PRICKLE1: variants seen among roughly 807,000 people sequenced by gnomAD.
The protein encoded by PRICKLE1 is prickle-like protein 1.
In PRICKLE1, 14 loss-of-function variants were observed where a neutral mutation model predicts 70.2. The ratio of observed to expected loss-of-function variants is 0.20; its 90% CI spans 0.13 to 0.31. PRICKLE1 has a LOEUF of 0.31. Ranked by LOEUF, PRICKLE1 falls within the 10% of genes least tolerant of loss-of-function variation. The probability of loss-of-function intolerance (pLI) is 1.00; values close to 1 mark genes in which losing one functional copy is unlikely to be tolerated. For missense variants in PRICKLE1, 821 were observed against 1,026.2 expected (o/e 0.80, Z 2.73); for synonymous variants, 357 against 379.9 (o/e 0.94, Z 0.70).
Position 42,460,037 on chromosome 12 carries a change from G to T in PRICKLE1, c.2268C>A (p.Gly756=). The change falls in exon 8 of 8, where the codon GGC becomes GGA. Residue 756 remains glycine (G), a synonymous_variant. Coordinates refer to ENST00000345127, the MANE Select transcript of PRICKLE1 (RefSeq NM_153026.3). ...AAGAACACCAGGAATCATCATCCTC[G>T]CCGTAGAGTCCCAGAAACCGATTCA... ...PGMNRFLGLY[G]EDDDSWCSSS... 6.2e-7 allele frequency: 1 copy of T among 1,614,046 alleles called. No homozygotes were observed. Among genetic ancestry groups the T allele is most frequent in the South Asian group, 1.1e-5 (1 of 91,070 alleles).
rs754979370 is a variant in PRICKLE1 at position 42,464,209 on chromosome 12, C to G, written c.1639+186G>C. Among the ~76,000 whole-genome samples the G allele has an allele frequency of 6.6e-6, 1 of 151,950 alleles. No homozygotes were observed. The highest frequency in any genetic ancestry group is 2.4e-5 in the African/African-American group (1 of 41,370). Reference sequence around the variant, plus strand: ...CTAATTTTTGTATTTTTAGTAGAGCCGCGGTTTCGCCATGTTGCCTGGGCT... The same window carrying G: ...CTAATTTTTGTATTTTTAGTAGAGCGGCGGTTTCGCCATGTTGCCTGGGCT... On this transcript the variant is annotated intron_variant, in intron 7 of 7. Transcript: ENST00000345127. This position sits in a 1 kb window ranked among gnomAD's most constrained non-coding sequence, Gnocchi z 4.2.
rs752821879 is a variant in PRICKLE1 at position 42,472,483 on chromosome 12, G to A, written c.34C>T (p.Leu12=). 11 of 1,614,194 alleles carry A rather than the reference G, an allele frequency of 6.8e-6. No homozygotes were observed. The highest frequency in any genetic ancestry group is 4.4e-5 in the South Asian group (4 of 91,086). Residue 12 remains leucine, a synonymous_variant, in exon 2 of 8, where the codon CTG becomes TTG. Coordinates refer to ENST00000345127, the MANE Select transcript of PRICKLE1 (RefSeq NM_153026.3). ...PLEMEPKMSK[L]AFGCQRSSTS... ...GAACTTCTCTGACAGCCAAAGGCCA[G>A]TTTGCTCATCTTGGGCTCCATCTCC...
intron 1 of PRICKLE1, among the ~76,000 whole-genome samples, chr12:42,547,779 T>C (rs1940239126): frequency 6.6e-6 from 1 of 152,238 alleles, no homozygotes; most frequent in African/African-American, 2.4e-5. Context: ...AATGTTAATT[T>C]ACGAGAGGAA....
chr12:42,466,504 A>C, intron 5 of PRICKLE1, 124 bp from the exon 6 acceptor site: 1 of 800,644 alleles, frequency 1.2e-6, no homozygotes, highest in South Asian at 1.5e-5. Flanking sequence ...TCAGATAGCT[A>C]ACCTTGTTTC....
At chr12:42,546,424 C>A (rs1940213831) in intron 1 of PRICKLE1, among the ~76,000 whole-genome samples, 1 of 152,150 alleles carries the variant, frequency 6.6e-6, no homozygotes, top group African/African-American at 2.4e-5. Context: ...CTATGCTATC[C>A]AGCTTTCAGG....
At position 42,469,550 on chromosome 12, in the gene PRICKLE1, T is replaced by G; in HGVS notation, c.284A>C (p.Lys95Thr). ...YCQSLSEEEK[K>T]ELQVFSAQRK... ...CTGAGCACTGAACACCTGCAACTCT[T>G]TTTTCTCCTCTTCACTCAAAGACTG... The change falls in exon 4 of 8, where the codon AAA (lysine) becomes ACA (threonine). Residue 95 changes from lysine to threonine, a missense_variant. Physicochemically the swap from Lys to Thr is moderately conservative, Grantham distance 78. Transcript: ENST00000345127. 1 of 1,614,160 alleles carries G rather than the reference T, an allele frequency of 6.2e-7. No homozygotes were observed.
intron 1 of PRICKLE1, among the ~76,000 whole-genome samples, chr12:42,478,866 A>G (rs1274801738): frequency 6.6e-6 from 1 of 152,148 alleles, no homozygotes; most frequent in Non-Finnish European, 1.5e-5. Context: ...CTCATCATTA[A>G]AAACAAAGAC....
At chr12:42,485,691 C>G (rs1031302526) in intron 1 of PRICKLE1, among the ~76,000 whole-genome samples, 2 of 152,156 alleles carry the variant, frequency 1.3e-5, no homozygotes, top group African/African-American at 4.8e-5. Flanking sequence ...ATACATTAAG[C>G]CAGGCAGACC....
At chr12:42,480,946 G>A (rs1938770230) in intron 1 of PRICKLE1, among the ~76,000 whole-genome samples, 2 of 152,118 alleles carry the variant, frequency 1.3e-5, no homozygotes, top group East Asian at 3.9e-4. Flanking sequence ...TGGTAGTGAT[G>A]GTCAGGAAAA....
chr12:42,522,498 T>A (rs1593153388), intron 1 of PRICKLE1, among the ~76,000 whole-genome samples: 2 of 152,180 alleles, frequency 1.3e-5, no homozygotes, highest in East Asian at 3.8e-4. Context: ...CCAGATCAAA[T>A]CTGGTTTCTA....
intron 1 of PRICKLE1, among the ~76,000 whole-genome samples, chr12:42,478,388 T>C (rs775339280): frequency 6.6e-6 from 1 of 152,108 alleles, no homozygotes; most frequent in Non-Finnish European, 1.5e-5. Flanking sequence ...ATAAACCTCA[T>C]AATGAAGGAG....
intron 1 of PRICKLE1, among the ~76,000 whole-genome samples, chr12:42,488,486 C>T (rs1939029054): frequency 6.6e-6 from 1 of 152,200 alleles, no homozygotes; most frequent in Non-Finnish European, 1.5e-5. Flanking sequence ...TTTTCATGAA[C>T]AGATAATTAA....
chr12:42,527,233 A>G (rs1939821204), intron 1 of PRICKLE1, among the ~76,000 whole-genome samples: 1 of 144,664 alleles, frequency 6.9e-6, no homozygotes. Context: ...CCCAGGTTCA[A>G]GTGATTCTCC....
chr12:42,487,496 A>G (rs1174957368), intron 1 of PRICKLE1, among the ~76,000 whole-genome samples: 1 of 152,166 alleles, frequency 6.6e-6, no homozygotes, highest in Admixed American at 6.5e-5. Context: ...TTACTACTCC[A>G]ATAATCCTAG....
At chr12:42,520,269 C>T (rs1446026648) in intron 1 of PRICKLE1, among the ~76,000 whole-genome samples, 4 of 152,168 alleles carry the variant, frequency 2.6e-5, no homozygotes, top group African/African-American at 7.2e-5. Context: ...GACTAAATTT[C>T]TCTGTGCTTT....
At chr12:42,517,221 T>C (rs967604510) in intron 1 of PRICKLE1, among the ~76,000 whole-genome samples, 2 of 152,148 alleles carry the variant, frequency 1.3e-5, no homozygotes, top group South Asian at 2.1e-4. Flanking sequence ...TCTTTGTGGG[T>C]TACTTCTTTT....
chr12:42,551,651 C>T (rs1278979585), intron 1 of PRICKLE1, among the ~76,000 whole-genome samples: 2 of 152,148 alleles, frequency 1.3e-5, no homozygotes, highest in Admixed American at 6.5e-5. Flanking sequence ...AAGAGAAACA[C>T]ACACATTAGG....
intron 3 of PRICKLE1, 71 bp from the exon 4 acceptor site, chr12:42,469,658 G>A: frequency 1.3e-6 from 2 of 1,598,960 alleles, no homozygotes; most frequent in Non-Finnish European, 1.7e-6. Context: ...TACTTCCAGA[G>A]TTAGGGTTTC....
chr12:42,583,530 G>A (rs941972575), intron 1 of PRICKLE1, among the ~76,000 whole-genome samples: 2 of 152,102 alleles, frequency 1.3e-5, no homozygotes, highest in African/African-American at 2.4e-5. Flanking sequence ...TTTCATCAAA[G>A]GCCTCCAATA....
Sources: allele counts gnomAD v4.1 joint callset (sites outside exome capture counted in the v4.1 genomes callset), GRCh38; gene constraint gnomAD v4.1.1; non-coding constraint Gnocchi (gnomAD v3.1); transcripts MANE v1.5; gene names NCBI Gene and HGNC (gene_info 2026-07-23, HGNC 2026-07-21).